Variants in CCDC172 observed in about 807,000 individuals in gnomAD.
CCDC172 encodes coiled-coil domain containing 172.
CCDC172 carries 30 observed loss-of-function variants against 38.0 expected under a neutral mutation model. That is an observed-to-expected ratio of 0.79 (90% confidence interval 0.59 to 1.07). The LOEUF (loss-of-function observed/expected upper bound fraction) is 1.07. CCDC172 is among the 50% of genes least tolerant of loss of function. The pLI is 0.00. For missense variants in CCDC172, 297 were observed against 290.1 expected (o/e 1.02, Z -0.17); for synonymous variants, 78 against 88.3 (o/e 0.88, Z 0.66).
intron 5 of CCDC172, among the ~76,000 whole-genome samples, chr10:116,354,846 T>A (rs1474924469): frequency 1.3e-5 from 2 of 152,236 alleles, no homozygotes; most frequent in African/African-American, 4.8e-5. Flanking sequence ...AGGTCAAAGA[T>A]AGTGGTATTG....
intron 3 of CCDC172, among the ~76,000 whole-genome samples, chr10:116,337,652 TGTTCA>T (rs1844747918): frequency 6.6e-6 from 1 of 152,176 alleles, no homozygotes; most frequent in Non-Finnish European, 1.5e-5. Flanking sequence ...ATAAAATAAA[TGTTCA>T]AGCTACATAG....
chr10:116,361,942 A>G (rs1444434444), intron 7 of CCDC172, among the ~76,000 whole-genome samples: 1 of 152,158 alleles, frequency 6.6e-6, no homozygotes, highest in Non-Finnish European at 1.5e-5. Flanking sequence ...TAATCCTAAC[A>G]CTTTGGGAGG....
intron 7 of CCDC172, among the ~76,000 whole-genome samples, chr10:116,373,591 G>A (rs762239348): frequency 4.6e-5 from 7 of 152,252 alleles, no homozygotes; most frequent in Non-Finnish European, 1.0e-4. Context: ...TGTAACCTCC[G>A]TCTCTGGGGT....
intron 7 of CCDC172, among the ~76,000 whole-genome samples, chr10:116,371,543 C>T (rs1845185811): frequency 1.3e-5 from 2 of 151,916 alleles, no homozygotes; most frequent in South Asian, 2.1e-4. Context: ...CAGTGTTATG[C>T]TTGCTTCAGG....
chr10:116,360,561 GA>G (rs1488708195), intron 7 of CCDC172, among the ~76,000 whole-genome samples: 7 of 152,102 alleles, frequency 4.6e-5, no homozygotes, highest in African/African-American at 1.7e-4. Context: ...CTTCGATGTG[GA>G]AAAAGCTTTA....
intron 5 of CCDC172, among the ~76,000 whole-genome samples, chr10:116,346,935 C>G (rs912279908): frequency 6.6e-6 from 1 of 152,064 alleles, no homozygotes; most frequent in East Asian, 1.9e-4. Flanking sequence ...AGGAGAAGCA[C>G]AAGATGATAT....
At chr10:116,324,797 GCAGCGGCCAGCGTCCCTAGACCCT>G in intron 1 of CCDC172, 126 bp from the exon 2 acceptor site, 1 of 571,274 alleles carries the variant, frequency 1.8e-6, no homozygotes, top group Non-Finnish European at 3.1e-6. Context: ...GGAAGGGGCA[GCAGCGGCCAGCGTCCCTAGACCCT>G]CAGACCCCTC....
At chr10:116,362,051 G>A (rs150549779) in intron 7 of CCDC172, among the ~76,000 whole-genome samples, 11 of 152,092 alleles carry the variant, frequency 7.2e-5, no homozygotes, top group East Asian at 3.9e-4. Context: ...CTAGCCGGGC[G>A]TGGTGGCAGG....
chr10:116,371,585 A>G (rs1017609337), intron 7 of CCDC172, among the ~76,000 whole-genome samples: 5 of 152,028 alleles, frequency 3.3e-5, no homozygotes, highest in Non-Finnish European at 7.4e-5. Context: ...TTATATCTTC[A>G]TAATTTAGAT....
At chr10:116,332,956 A>G (rs1844683896) in intron 3 of CCDC172, among the ~76,000 whole-genome samples, 1 of 152,114 alleles carries the variant, frequency 6.6e-6, no homozygotes, top group Non-Finnish European at 1.5e-5. Flanking sequence ...CTCTCTGCAA[A>G]TTTAAATCAT....
chr10:116,351,747 G>A (rs997622992), intron 5 of CCDC172, among the ~76,000 whole-genome samples: 2 of 152,128 alleles, frequency 1.3e-5, no homozygotes, highest in African/African-American at 4.8e-5. Flanking sequence ...CTGAGAGAAG[G>A]GAAACAAATG....
At chr10:116,341,715 A>C (rs1404633093) in intron 4 of CCDC172, among the ~76,000 whole-genome samples, 1 of 151,956 alleles carries the variant, frequency 6.6e-6, no homozygotes, top group South Asian at 2.1e-4. Context: ...CCAGTTTTAT[A>C]TTATAATTAT....
At position 116,340,792 on chromosome 10, in the gene CCDC172, C is replaced by A. The variant is rs775943821; in HGVS notation, c.224C>A (p.Ala75Asp). ...CAGCTTTTGAAAGCTCATGAAAATG[C>A]TTTAGAAAAACAGTACAGTGAAATT... Reference protein sequence around the residue: ...FLQLLKAHENALEKQYSEITN... With the variant: ...FLQLLKAHENDLEKQYSEITN... The change falls in exon 4 of 9, where the codon GCT (alanine) becomes GAT (aspartate). Residue 75 changes from alanine (A) to aspartate (D), a missense_variant. Coordinates refer to ENST00000333254, the MANE Select transcript of CCDC172 (RefSeq NM_198515.3). 3.1e-6 allele frequency: 5 copies of A among 1,606,056 alleles called. No individual in the cohort carries two copies.
At chr10:116,374,454 T>C (rs1435093770) in intron 7 of CCDC172, among the ~76,000 whole-genome samples, 1 of 151,860 alleles carries the variant, frequency 6.6e-6, no homozygotes, top group African/African-American at 2.4e-5. Flanking sequence ...GATAATATCT[T>C]TCTGTGCCTA....
At chr10:116,357,595 G>T in intron 6 of CCDC172, 114 bp downstream of exon 6, 1 of 951,708 alleles carries the variant, frequency 1.1e-6, no homozygotes, top group Non-Finnish European at 1.5e-6. Flanking sequence ...TGCTATTATT[G>T]GTATAAAAAA....
chr10:116,329,999 T>C (rs1213716686), intron 3 of CCDC172, among the ~76,000 whole-genome samples: 1 of 152,184 alleles, frequency 6.6e-6, no homozygotes, highest in Admixed American at 6.6e-5. Context: ...AGAGAGAGCA[T>C]GTGTGCAGTT....
chr10:116,378,334 T>G, intron 7 of CCDC172, 89 bp from the exon 8 acceptor site: 2 of 1,270,446 alleles, frequency 1.6e-6, no homozygotes, highest in Non-Finnish European at 2.1e-6. Context: ...AAATTCTGAT[T>G]ATAGAAGCTA....
At chr10:116,372,646 T>C (rs1296073832) in intron 7 of CCDC172, among the ~76,000 whole-genome samples, 1 of 152,042 alleles carries the variant, frequency 6.6e-6, no homozygotes, top group African/African-American at 2.4e-5. Flanking sequence ...ACAAAAATAA[T>C]GAAATACTTT....
rs1289562444 is a variant in CCDC172 at position 116,357,523 on chromosome 10, G to A, written c.550+42G>A. 9.3e-6 allele frequency: 13 copies of A among 1,400,402 alleles called. No individual in the cohort carries two copies. The East Asian group carries it at 3.4e-4, about 37-fold the overall frequency. 86.7% of individuals were successfully genotyped at this position (1,400,402 alleles called of 1,614,324 possible). Reference sequence around the variant, plus strand: ...TTAGCTTATTTTGCTGATAAATATAGTTATATATGCATGATAAGGGCATAT... The same window carrying A: ...TTAGCTTATTTTGCTGATAAATATAATTATATATGCATGATAAGGGCATAT... On this transcript the variant is annotated intron_variant, in intron 6 of 8. Coordinates refer to ENST00000333254, the MANE Select transcript of CCDC172 (RefSeq NM_198515.3).
Sources: allele counts gnomAD v4.1 joint callset (sites outside exome capture counted in the v4.1 genomes callset), GRCh38; gene constraint gnomAD v4.1.1; transcripts MANE v1.5; gene names NCBI Gene and HGNC (gene_info 2026-07-23, HGNC 2026-07-21).